The following PROZ variants were observed in gnomAD, a reference collection of about 807,000 sequenced individuals.
The protein encoded by PROZ is vitamin K-dependent protein Z.
In PROZ, 46 loss-of-function variants were observed where a neutral mutation model predicts 34.9. That is an observed-to-expected ratio of 1.32 (90% CI 1.04 to 1.69). The LOEUF (loss-of-function observed/expected upper bound fraction) is 1.69, where lower values mean the gene tolerates loss of function less well. Ranked by LOEUF, PROZ falls within the 40% of genes most tolerant of loss-of-function variation. The probability of loss-of-function intolerance (pLI) is 0.00; values close to 1 mark genes in which losing one functional copy is unlikely to be tolerated. For missense variants in PROZ, 530 were observed against 520.4 expected, an observed-to-expected ratio of 1.02 and a Z score of -0.18; for synonymous variants, 195 against 208.5, an observed-to-expected ratio of 0.94 and a Z score of 0.56.
rs914499505 is a variant in PROZ, at chr13:113,159,863, G to A, written c.71-151G>A. The A allele has an allele frequency of 9.2e-6, 8 of 866,620 alleles. No homozygotes were observed. The highest frequency in any genetic ancestry group is 1.5e-5 in the Non-Finnish European group (8 of 517,416). 53.7% of individuals were successfully genotyped at this position (866,620 alleles called of 1,614,324 possible). A position where few individuals can be genotyped will look rare whatever the true frequency, so the allele number is the denominator to read the frequency against. ...GTGCTTGCCTACCTCGGGGGAGGGA[G>A]TAGCGGGGTGGCCCTGAGGCCCTCG... On this transcript the variant is annotated intron_variant, in intron 1 of 7. Coordinates refer to ENST00000375547, the MANE Select transcript of PROZ (RefSeq NM_003891.3). The surrounding 1 kb of genome is among the most constrained non-coding windows in gnomAD (Gnocchi z 4.6).
chr13:113,159,376 A>G lies in PROZ; in HGVS notation c.71-638A>G. 3 of 1,132,040 alleles carry G rather than the reference A, an allele frequency of 2.7e-6. No homozygotes were observed. The highest frequency in any genetic ancestry group is 3.8e-6 in the Non-Finnish European group (3 of 783,480). The allele number at this position is 1,132,040 out of a possible 1,614,324, so 70.1% of individuals were successfully genotyped here. A position where few individuals can be genotyped will look rare whatever the true frequency, so the allele number is the denominator to read the frequency against. ...CCCTGCCCTGCCCAGCACTTACCGT[A>G]GCCGGACTTAGCTGAGCCCCCCCTG... On this transcript the variant is annotated intron_variant, in intron 1 of 7. Coordinates refer to ENST00000375547, the MANE Select transcript of PROZ (RefSeq NM_003891.3). The surrounding 1 kb of genome is among the most constrained non-coding windows in gnomAD (Gnocchi z 4.6).
intron 3 of PROZ, 152 bp from the exon 4 acceptor site, chr13:113,162,857 C>A: frequency 1.5e-6 from 1 of 670,838 alleles, no homozygotes. Context: ...CACCCTCCTC[C>A]TGCTCAGGTG....
Position 113,158,725 on chromosome 13 carries a change from C to T in PROZ, c.65C>T (p.Pro22Leu), listed in dbSNP as rs770984289. The T allele has an allele frequency of 2.5e-6, 4 of 1,603,608 alleles. No individual in the cohort carries two copies. Among genetic ancestry groups the T allele is most frequent in the Non-Finnish European group, 3.4e-6 (4 of 1,175,600 alleles). ...VLVLALHRVE[P>L]SVFLPASKAN... ...GTCCTCGCCCTCCATCGTGTGGAGC[C>T]CTCAGGTAGGCATCTGGCTTACCTG... The change falls in exon 1 of 8, where the codon CCC (proline) becomes CTC (leucine). Residue 22 changes from proline to leucine, a missense_variant. Pro to Leu is a moderately conservative substitution (Grantham distance 98, BLOSUM62 -3). Coordinates refer to ENST00000375547, the MANE Select transcript of PROZ (RefSeq NM_003891.3). This position sits in a 1 kb window ranked among gnomAD's most constrained non-coding sequence, Gnocchi z 4.3.
Position 113,172,380 on chromosome 13 carries a change from T to C in PROZ, c.*275T>C. On this transcript the variant is annotated 3_prime_UTR_variant, in exon 8 of 8. Coordinates refer to ENST00000375547, the MANE Select transcript of PROZ (RefSeq NM_003891.3). ...ATAAAATAAGATAATCTGTCAGTCA[T>C]AAAGCAGCCTGGTTTCCAGAAATTC... 2.2e-6 allele frequency: 1 copy of C among 452,742 alleles called. No individual in the cohort carries two copies. Among genetic ancestry groups the C allele is most frequent in the South Asian group, 2.1e-5 (1 of 47,440 alleles). The allele number at this position is 452,742 out of a possible 1,614,324, so 28.0% of individuals were successfully genotyped here. A position where few individuals can be genotyped will look rare whatever the true frequency, so the allele number is the denominator to read the frequency against.
chr13:113,165,090 T>G lies in PROZ; in HGVS notation c.543T>G (p.Arg181=). ...CACGVLTSEK[R]APDLQDLPWQ... is the part of the protein sequence containing the mutation. ...GCGGGGTGCTGACCTCTGAGAAGCG[T>G]GCACCGGATCTACAGGACCTCCCGT... is the stretch of plus-strand genomic sequence containing the variant. The change falls in exon 6 of 8, where the codon CGT becomes CGG. Residue 181 remains arginine (R), a synonymous_variant. Coordinates refer to ENST00000375547, the MANE Select transcript of PROZ (RefSeq NM_003891.3). 1 of 1,612,874 alleles carries G rather than the reference T, an allele frequency of 6.2e-7. No homozygotes were observed. Among genetic ancestry groups the G allele is most frequent in the Non-Finnish European group, 8.5e-7 (1 of 1,180,000 alleles).
Position 113,170,394 on chromosome 13 carries a change from T to A in PROZ, c.574-19T>A, listed in dbSNP as rs1260371605. 7.0e-7 allele frequency: 1 copy of A among 1,423,690 alleles called. No homozygotes were observed. The highest frequency in any genetic ancestry group is 1.4e-5 in the African/African-American group (1 of 70,938). 88.2% of individuals were successfully genotyped at this position (1,423,690 alleles called of 1,614,324 possible). On this transcript the variant is annotated intron_variant, in intron 6 of 7. Transcript: ENST00000375547. ...GCAAATTGTCACCAGCTATTTATTG[T>A]CTGTTTTGATTTTTAAAGGTAAAGT...
chr13:113,169,128 A>G (rs188342921), intron 6 of PROZ, among the ~76,000 whole-genome samples: 97 of 152,026 alleles, frequency 6.4e-4, no homozygotes, highest in African/African-American at 2.1e-3. Context: ...TAGCTCAGAG[A>G]TGGTCTGTTC....
chr13:113,164,858 C>T, intron 5 of PROZ, 195 bp from the exon 6 acceptor site: 3 of 946,176 alleles, frequency 3.2e-6, no homozygotes, highest in Non-Finnish European at 3.3e-6. Flanking sequence ...CTGAGCTAAA[C>T]CATGAGTGCT....
chr13:113,168,547 T>C (rs1479467618), intron 6 of PROZ, among the ~76,000 whole-genome samples: 1 of 152,264 alleles, frequency 6.6e-6, no homozygotes, highest in African/African-American at 2.4e-5. Flanking sequence ...TCACATGTCC[T>C]TACCTGTGGC....
In PROZ at chr13:113,160,061, C is replaced by T. The variant is rs1224878296; in HGVS notation, c.118C>T (p.Arg40Cys). The change falls in exon 2 of 8, where the codon CGT (arginine) becomes TGT (cysteine). Residue 40 changes from arginine to cysteine, a missense_variant. Arg to Cys is a radical substitution (Grantham distance 180). Transcript: ENST00000375547. ...KANDVLVRWK[R>C]AGSYLLEELF... ...AAACGACGTTCTGGTGAGGTGGAAG[C>T]GTGCGGGCTCCTATCTTCTGGAAGA... The T allele has an allele frequency of 2.5e-5, 41 of 1,614,056 alleles. No homozygotes were observed. The highest frequency in any genetic ancestry group is 6.7e-5 in the Admixed American group (4 of 60,010).
intron 6 of PROZ, 156 bp downstream of exon 6, chr13:113,165,276 C>A: frequency 1.3e-6 from 1 of 747,402 alleles, no homozygotes; most frequent in Non-Finnish European, 2.3e-6. Context: ...CACTTCCAAC[C>A]ATGTTCTAAT....
At chr13:113,165,793 A>C (rs2036911970) in intron 6 of PROZ, among the ~76,000 whole-genome samples, 1 of 152,128 alleles carries the variant, frequency 6.6e-6, no homozygotes, top group African/African-American at 2.4e-5. Context: ...GGCCTCCCAA[A>C]GTGCTGGGAT....
chr13:113,167,116 C>T (rs3024743), intron 6 of PROZ, among the ~76,000 whole-genome samples: 32,564 of 152,090 alleles, frequency 0.21, 4,179 homozygotes, highest in East Asian at 0.55. Context: ...CCTAGCAGGA[C>T]ATAGGGTTGA....
chr13:113,169,320 G>GT (rs1184999090), intron 6 of PROZ, among the ~76,000 whole-genome samples: 1 of 152,154 alleles, frequency 6.6e-6, no homozygotes, highest in Admixed American at 6.5e-5. Flanking sequence ...TTAAAAATAC[G>GT]TATTTTTGTC....
In PROZ at chr13:113,172,201, T is replaced by C; in HGVS notation, c.*96T>C. On this transcript the variant is annotated 3_prime_UTR_variant, in exon 8 of 8. Transcript: ENST00000375547. ...AGGGCGCTGAAACTTCATCACACACTGAGAGGCCGTCACAGCCCCAGACCA... is the reference window on the plus strand; with the variant it reads ...AGGGCGCTGAAACTTCATCACACACCGAGAGGCCGTCACAGCCCCAGACCA... The C allele has an allele frequency of 6.6e-7, 1 of 1,509,692 alleles. No individual in the cohort carries two copies. The highest frequency in any genetic ancestry group is 9.0e-7 in the Non-Finnish European group (1 of 1,113,388). The allele number at this position is 1,509,692 out of a possible 1,614,324, so 93.5% of individuals were successfully genotyped here.
At position 113,165,031 on chromosome 13, in the gene PROZ, CAT is replaced by C. The variant is rs746451702; in HGVS notation, c.506-21_506-20del. 2 of 1,612,474 alleles carry C rather than the reference CAT, an allele frequency of 1.2e-6. No homozygotes were observed. The highest frequency in any genetic ancestry group is 2.7e-5 in the African/African-American group (2 of 74,904). Reference sequence around the variant, plus strand: ...CTGAGAAGGCGCTGATTTTTATTCTCATGTTGCTGCCGCAAATGCAGACCAGT... The same window carrying C: ...CTGAGAAGGCGCTGATTTTTATTCTCGTTGCTGCCGCAAATGCAGACCAGT... On this transcript the variant is annotated intron_variant, in intron 5 of 7. Transcript: ENST00000375547.
intron 4 of PROZ, 144 bp downstream of exon 4, chr13:113,163,266 TTC>T (rs1395951432): frequency 1.4e-6 from 1 of 727,700 alleles, no homozygotes; most frequent in Non-Finnish European, 2.4e-6. Flanking sequence ...CCCCAGGGGA[TTC>T]CTCTCATCCC....
Position 113,170,251 on chromosome 13 carries a change from A to C in PROZ, c.574-162A>C, listed in dbSNP as rs969211596. Reference sequence around the variant, plus strand: ...GTCAACAATTCGTTAACAATCCTGTACCATTTGAGTGCTGGGGCAAGAATC... The same window carrying C: ...GTCAACAATTCGTTAACAATCCTGTCCCATTTGAGTGCTGGGGCAAGAATC... On this transcript the variant is annotated intron_variant, in intron 6 of 7. Transcript: ENST00000375547. 4.7e-5 allele frequency among the ~76,000 whole-genome samples: 6 copies of C among 127,318 alleles called. No homozygotes were observed. The South Asian group carries it at 1.3e-3, about 27-fold the overall frequency. The allele number at this position is 127,318 out of a possible 152,430, so 83.5% of individuals were successfully genotyped here. A position where few individuals can be genotyped will look rare whatever the true frequency, so the allele number is the denominator to read the frequency against.
intron 6 of PROZ, among the ~76,000 whole-genome samples, chr13:113,165,387 T>C (rs887574645): frequency 2.6e-4 from 39 of 152,250 alleles, no homozygotes; most frequent in African/African-American, 9.4e-4. Flanking sequence ...TCTCAGAACA[T>C]AAGCATCTCA....
Sources: allele counts gnomAD v4.1 joint callset (sites outside exome capture counted in the v4.1 genomes callset), GRCh38; gene constraint gnomAD v4.1.1; non-coding constraint Gnocchi (gnomAD v3.1); transcripts MANE v1.5; gene names NCBI Gene and HGNC (gene_info 2026-07-23, HGNC 2026-07-21).